The following GALNT17 variants were observed in gnomAD, a reference collection of about 807,000 sequenced individuals.
The protein encoded by GALNT17 is polypeptide N-acetylgalactosaminyltransferase 17, also known as UDP-GalNAc:polypeptide N-acetylgalactosaminyltransferase-like 3.
A neutral mutation model predicts 63.7 loss-of-function variants in GALNT17; 29 were observed. That is an observed-to-expected ratio of 0.46 (90% confidence interval 0.34 to 0.62). The LOEUF (loss-of-function observed/expected upper bound fraction) is 0.62, where lower values mean the gene tolerates loss of function less well. GALNT17 is among the 20% of genes least tolerant of loss of function. The pLI, the probability that GALNT17 is intolerant of heterozygous loss-of-function variation, is 0.01. For missense variants in GALNT17, 603 were observed against 799.6 expected (o/e 0.75, Z 2.97); for synonymous variants, 305 against 318.3 (o/e 0.96, Z 0.45).
At chr7:71,672,597 G>A (rs918954468) in intron 8 of GALNT17, among the ~76,000 whole-genome samples, 1 of 152,110 alleles carries the variant, frequency 6.6e-6, no homozygotes, top group African/African-American at 2.4e-5. Flanking sequence ...AGTCACCCAG[G>A]CTAGGGTGCA....
At chr7:71,651,976 A>G (rs1302938706) in intron 6 of GALNT17, among the ~76,000 whole-genome samples, 1 of 152,210 alleles carries the variant, frequency 6.6e-6, no homozygotes, top group African/African-American at 2.4e-5. Flanking sequence ...CATTGGGATT[A>G]CAGGCATTAG....
In GALNT17 at chr7:71,310,918, G is replaced by A. The variant is rs561342590; in HGVS notation, c.239-24632G>A. On this transcript the variant is annotated intron_variant, in intron 1 of 10. Transcript: ENST00000333538. ...GAAGACAGCTGGGAGTGACTACCAC[G>A]GTAGTTCTCTATCACGACACTAGTC... Among the ~76,000 whole-genome samples, 13 of 152,322 alleles carry A rather than the reference G, an allele frequency of 8.5e-5. No individual in the cohort carries two copies. The South Asian group carries it at 2.1e-3, about 24-fold the overall frequency.
rs765957113 is a variant in GALNT17, at chr7:71,555,352, A to T, written c.963-15933A>T. Among the ~76,000 whole-genome samples the T allele has an allele frequency of 1.2e-4, 19 of 152,114 alleles. No individual in the cohort carries two copies. The South Asian group carries it at 1.9e-3, about 15-fold the overall frequency. On this transcript the variant is annotated intron_variant, in intron 5 of 10. Coordinates refer to ENST00000333538, the MANE Select transcript of GALNT17 (RefSeq NM_022479.3). ...AATCAAATATGGATGTCGACCAATC[A>T]AACCAGTGTCTGGGAGTGTGCCTGA... is the stretch of plus-strand genomic sequence containing the variant.
chr7:71,527,763 G>T (rs956915865), intron 5 of GALNT17, among the ~76,000 whole-genome samples: 34 of 152,064 alleles, frequency 2.2e-4, no homozygotes, highest in Admixed American at 2.2e-3. Flanking sequence ...GTGTGTATGC[G>T]CACGCGTGCA....
At chr7:71,292,559 G>T (rs1583834781) in intron 1 of GALNT17, among the ~76,000 whole-genome samples, 1 of 151,548 alleles carries the variant, frequency 6.6e-6, no homozygotes, top group South Asian at 2.1e-4. Context: ...ATTGATATAT[G>T]CATACATTGC....
At chr7:71,405,399 G>A (rs1793310750) in intron 3 of GALNT17, among the ~76,000 whole-genome samples, 2 of 152,006 alleles carry the variant, frequency 1.3e-5, no homozygotes, top group Admixed American at 1.3e-4. Context: ...GGCTGAGGTG[G>A]GAAGATCACT....
chr7:71,408,195 C>T (rs369627819), intron 3 of GALNT17, among the ~76,000 whole-genome samples: 13 of 152,230 alleles, frequency 8.5e-5, no homozygotes, highest in East Asian at 5.8e-4. Flanking sequence ...GCCTCGGAAC[C>T]TGCATTTTCA....
intron 8 of GALNT17, among the ~76,000 whole-genome samples, chr7:71,673,417 G>A (rs970333333): frequency 6.6e-6 from 1 of 152,062 alleles, no homozygotes; most frequent in Non-Finnish European, 1.5e-5. Flanking sequence ...AAAAAACTCA[G>A]GATGATAAAA....
chr7:71,563,478 G>A (rs144825990), intron 5 of GALNT17, among the ~76,000 whole-genome samples: 241 of 152,362 alleles, frequency 1.6e-3, no homozygotes, highest in Middle Eastern at 3.4e-3. Flanking sequence ...GACAAGGACA[G>A]CTCCTCGTTT....
Position 71,642,934 on chromosome 7 carries a change from G to A in GALNT17, c.1081-22477G>A, listed in dbSNP as rs571680754. On this transcript the variant is annotated intron_variant, in intron 6 of 10. Transcript: ENST00000333538. The stretch of plus-strand genomic sequence containing the variant: ...GTGCCCTGCCTGTCATTAAATCTAC[G>A]GAAAATGTATGAAGAACAGGTTTTT... Among the ~76,000 whole-genome samples the A allele has an allele frequency of 5.8e-4, 88 of 152,256 alleles. 1 individual carries two copies. The highest frequency in any genetic ancestry group is 4.1e-4 in the South Asian group (2 of 4,820).
intron 6 of GALNT17, among the ~76,000 whole-genome samples, chr7:71,572,443 A>G (rs898838000): frequency 4.3e-5 from 6 of 140,280 alleles, no homozygotes; most frequent in African/African-American, 1.3e-4. Context: ...TCAAGGCTTC[A>G]GTGAGCCATG....
chr7:71,489,800 C>T (rs1448105536), intron 5 of GALNT17, among the ~76,000 whole-genome samples: 1 of 152,232 alleles, frequency 6.6e-6, no homozygotes, highest in Non-Finnish European at 1.5e-5. Flanking sequence ...CACCTGACAA[C>T]GTTCATTTAA....
At chr7:71,261,826 C>T (rs73700666) in intron 1 of GALNT17, among the ~76,000 whole-genome samples, 3,760 of 152,274 alleles carry the variant, frequency 0.025, 151 homozygotes, top group African/African-American at 0.086. Flanking sequence ...TCTTAGGAAT[C>T]GGAGGTGGTA....
At chr7:71,655,562 CT>C (rs1255077534) in intron 6 of GALNT17, among the ~76,000 whole-genome samples, 1 of 152,172 alleles carries the variant, frequency 6.6e-6, no homozygotes, top group Non-Finnish European at 1.5e-5. Flanking sequence ...TGAAAGAAAC[CT>C]CAGAGATAGC....
intron 1 of GALNT17, among the ~76,000 whole-genome samples, chr7:71,220,572 A>G (rs1394748351): frequency 2.0e-5 from 3 of 152,130 alleles, no homozygotes; most frequent in Non-Finnish European, 4.4e-5. Flanking sequence ...CTGTCAGCAG[A>G]GGCATACTTT....
At chr7:71,708,921 A>G (rs1791754824) in intron 9 of GALNT17, among the ~76,000 whole-genome samples, 2 of 152,176 alleles carry the variant, frequency 1.3e-5, no homozygotes, top group South Asian at 2.1e-4. Flanking sequence ...ATTGTATTCC[A>G]TGGTGTATAG....
At chr7:71,702,404 T>G (rs1282912653) in intron 9 of GALNT17, among the ~76,000 whole-genome samples, 1 of 151,972 alleles carries the variant, frequency 6.6e-6, no homozygotes, top group East Asian at 1.9e-4. Flanking sequence ...GGGAGGCGCA[T>G]GTGGCTGGAT....
chr7:71,616,501 TATAA>T (rs1159889609), intron 6 of GALNT17, among the ~76,000 whole-genome samples: 2 of 147,384 alleles, frequency 1.4e-5, no homozygotes, highest in African/African-American at 2.5e-5. Context: ...ATAACTAATA[TATAA>T]ATATTTGATA....
chr7:71,213,468 A>G (rs1251916673), intron 1 of GALNT17, among the ~76,000 whole-genome samples: 1 of 151,398 alleles, frequency 6.6e-6, no homozygotes, highest in African/African-American at 2.4e-5. Context: ...ATAAATACAT[A>G]GTGTTCTCTG....
Sources: gnomAD v4.1 joint callset for allele counts (sites outside exome capture counted in the v4.1 genomes callset) on GRCh38, gnomAD v4.1.1 for gene constraint, MANE v1.5 for transcripts, NCBI Gene and HGNC (gene_info 2026-07-23, HGNC 2026-07-21) for gene names.